Variants in NPAS3 observed in about 807,000 individuals in gnomAD.
NPAS3 encodes the protein neuronal PAS domain protein 3.
NPAS3 carries 14 observed loss-of-function variants against 73.1 expected under a neutral mutation model. That is an observed-to-expected ratio of 0.19 (90% CI 0.13 to 0.30). NPAS3 has a LOEUF of 0.30. NPAS3 is among the 10% of genes least tolerant of loss of function. The pLI is 1.00. For missense variants in NPAS3, 1,096 were observed against 1,250.0 expected, an observed-to-expected ratio of 0.88 and a Z score of 1.86; for synonymous variants, 620 against 541.5, an observed-to-expected ratio of 1.14 and a Z score of -2.01.
intron 4 of NPAS3, among the ~76,000 whole-genome samples, chr14:33,542,022 C>T (rs919213069): frequency 2.0e-5 from 3 of 152,160 alleles, no homozygotes; most frequent in Admixed American, 2.0e-4. Flanking sequence ...ATTTGACTCT[C>T]ACCCTGAACT....
At chr14:32,938,983 G>A (rs1298524502), upstream of NPAS3, among the ~76,000 whole-genome samples, 3 of 146,248 alleles carry the variant, frequency 2.1e-5, no homozygotes, top group Non-Finnish European at 4.6e-5. Context: ...CGAGCAGCGG[G>A]AGGAGAAGGC....
intron 2 of NPAS3, among the ~76,000 whole-genome samples, chr14:33,076,639 C>T (rs1018593939): frequency 1.3e-5 from 2 of 152,150 alleles, no homozygotes; most frequent in African/African-American, 4.8e-5. Flanking sequence ...TAGAGTGTAG[C>T]TGATATGACA....
chr14:33,425,439 A>T (rs2048516535), intron 4 of NPAS3, among the ~76,000 whole-genome samples: 1 of 151,678 alleles, frequency 6.6e-6, no homozygotes, highest in Non-Finnish European at 1.5e-5. Context: ...AAATACCTTT[A>T]TTATTTATCT....
intron 7 of NPAS3, among the ~76,000 whole-genome samples, chr14:33,752,361 C>G (rs1421603903): frequency 1.3e-5 from 2 of 152,142 alleles, no homozygotes; most frequent in Non-Finnish European, 2.9e-5. Flanking sequence ...GGAGTACACT[C>G]CCAAGCCATG....
intron 2 of NPAS3, among the ~76,000 whole-genome samples, chr14:33,200,056 TA>T (rs2046556009): frequency 6.6e-6 from 1 of 152,028 alleles, no homozygotes; most frequent in South Asian, 2.1e-4. Context: ...TTTTAATTTT[TA>T]ATAAAAGATT....
At chr14:33,221,497 C>T (rs890790078) in intron 3 of NPAS3, among the ~76,000 whole-genome samples, 1 of 152,060 alleles carries the variant, frequency 6.6e-6, no homozygotes, top group Non-Finnish European at 1.5e-5. Context: ...CATGGTGGCT[C>T]GTGCCTATAA....
chr14:33,214,652 G>A (rs1396583877), intron 2 of NPAS3: 1 of 152,936 alleles, frequency 6.5e-6, no homozygotes, highest in Admixed American at 6.5e-5. Context: ...TCTTTATTGA[G>A]GGCTGGAAAC....
intron 5 of NPAS3, among the ~76,000 whole-genome samples, chr14:33,657,439 CT>C (rs1194378242): frequency 1.3e-5 from 2 of 152,156 alleles, no homozygotes; most frequent in Non-Finnish European, 2.9e-5. Flanking sequence ...CTAGAAAAGA[CT>C]TTAATATGAG....
At chr14:33,749,917 C>T (rs2061910520) in intron 7 of NPAS3, among the ~76,000 whole-genome samples, 2 of 152,166 alleles carry the variant, frequency 1.3e-5, no homozygotes, top group Non-Finnish European at 2.9e-5. Context: ...TTGGGGAAAA[C>T]ATCAGTGGAG....
intron 6 of NPAS3, among the ~76,000 whole-genome samples, chr14:33,687,131 A>G (rs1390136412): frequency 1.3e-5 from 2 of 152,244 alleles, no homozygotes; most frequent in Non-Finnish European, 2.9e-5. Context: ...GTCTGTAGCC[A>G]GGAGCTAATT....
At chr14:33,672,917 T>G (rs958570468) in intron 5 of NPAS3, among the ~76,000 whole-genome samples, 1 of 152,190 alleles carries the variant, frequency 6.6e-6, no homozygotes, top group Non-Finnish European at 1.5e-5. Flanking sequence ...TTAAATGAAA[T>G]GAAGTCAAAG....
chr14:33,498,913 TGAGAGA>T (rs1167526513), intron 4 of NPAS3, among the ~76,000 whole-genome samples: 1 of 145,242 alleles, frequency 6.9e-6, no homozygotes, highest in East Asian at 2.1e-4. Context: ...TTTAAATGAA[TGAGAGA>T]GAGAGACAGA....
upstream of NPAS3, among the ~76,000 whole-genome samples, chr14:32,938,740 ACGGGGG>A (rs1359679892): frequency 2.0e-5 from 3 of 148,708 alleles, no homozygotes; most frequent in Non-Finnish European, 4.5e-5. Context: ...GTGACGGGGG[ACGGGGG>A]CGGGGGCGGG....
At chr14:33,642,585 G>A (rs974960809) in intron 5 of NPAS3, among the ~76,000 whole-genome samples, 1 of 152,190 alleles carries the variant, frequency 6.6e-6, no homozygotes, top group African/African-American at 2.4e-5. Context: ...ATTTCTGCAG[G>A]AACAGTGTAG....
At position 33,800,077 on chromosome 14, in the gene NPAS3, C is replaced by T. The variant is rs890595014; in HGVS notation, c.1770C>T (p.Gly590=). ...ACTCGGACAGCGCAGGCGAGGCGGG[C>T]GCGCAGGCCTCCAGCAAGCACCAGA... is the stretch of plus-strand genomic sequence containing the variant. The change falls in exon 12 of 12, where the codon GGC becomes GGT. Residue 590 remains glycine, a synonymous_variant. Coordinates refer to ENST00000356141, the Ensembl canonical transcript of NPAS3. This position sits in a 1 kb window ranked among gnomAD's most constrained non-coding sequence, Gnocchi z 6.5. 6.3e-7 allele frequency: 1 copy of T among 1,597,508 alleles called. No homozygotes were observed.
intron 1 of NPAS3, among the ~76,000 whole-genome samples, chr14:32,989,535 G>A (rs1007556993): frequency 2.0e-5 from 3 of 151,866 alleles, no homozygotes; most frequent in South Asian, 4.2e-4. Flanking sequence ...TCCCAGCTAC[G>A]CGGCAGGCTG....
At chr14:33,238,597 G>A (rs908005252) in intron 3 of NPAS3, among the ~76,000 whole-genome samples, 5 of 151,922 alleles carry the variant, frequency 3.3e-5, no homozygotes, top group African/African-American at 1.2e-4. Context: ...TGTTTTAGAA[G>A]TCTTAAGAAA....
chr14:33,343,830 G>A (rs981135685), intron 3 of NPAS3, among the ~76,000 whole-genome samples: 4 of 152,132 alleles, frequency 2.6e-5, no homozygotes, highest in African/African-American at 9.7e-5. Context: ...CAGTGCAGCA[G>A]CTCAGCAAGG....
intron 1 of NPAS3, among the ~76,000 whole-genome samples, chr14:33,051,138 G>T (rs2040689332): frequency 6.6e-6 from 1 of 151,412 alleles, no homozygotes. Context: ...GCCGGGCGCG[G>T]TGGCGGGCGC....
Sources: gnomAD v4.1 joint callset for allele counts (sites outside exome capture counted in the v4.1 genomes callset) on GRCh38, gnomAD v4.1.1 for gene constraint, Gnocchi (gnomAD v3.1) non-coding constraint, MANE v1.5 for transcripts, NCBI Gene and HGNC (gene_info 2026-07-23, HGNC 2026-07-21) for gene names.